Variants in ZC3H12D observed in about 807,000 individuals in gnomAD.
ZC3H12D encodes the protein probable ribonuclease ZC3H12D.
In ZC3H12D, 11 loss-of-function variants were observed where a neutral mutation model predicts 24.2. The observed-to-expected ratio is 0.46, with a 90% confidence interval of 0.29 to 0.75. The LOEUF (loss-of-function observed/expected upper bound fraction) is 0.75, where lower values mean the gene tolerates loss of function less well. ZC3H12D is among the 30% of genes least tolerant of loss of function. The pLI, the probability that ZC3H12D is intolerant of heterozygous loss-of-function variation, is 0.11. For synonymous variants in ZC3H12D, 333 were observed against 341.8 expected, an observed-to-expected ratio of 0.97 and a Z score of 0.28; for missense variants, 740 against 767.7, an observed-to-expected ratio of 0.96 and a Z score of 0.43.
intron 1 of ZC3H12D, chr6:149,483,240 G>A (rs1014213070): frequency 2.6e-5 from 4 of 152,126 alleles, no homozygotes; most frequent in Admixed American, 6.6e-5. Context: ...AGGCAAAGAC[G>A]GTAGTTCATG....
intron 2 of ZC3H12D, among the ~76,000 whole-genome samples, chr6:149,463,634 G>A (rs1188305520): frequency 1.3e-5 from 2 of 152,178 alleles, no homozygotes; most frequent in African/African-American, 4.8e-5. Flanking sequence ...GCTCGAACCT[G>A]GGAGGCGGAG....
intron 1 of ZC3H12D, among the ~76,000 whole-genome samples, chr6:149,479,232 G>A (rs1031731606): frequency 6.6e-5 from 10 of 152,178 alleles, no homozygotes; most frequent in Non-Finnish European, 1.3e-4. Context: ...ATGGTGGCGT[G>A]TGCCTGAAAT....
At chr6:149,472,136 C>G (rs937706714) in intron 2 of ZC3H12D, among the ~76,000 whole-genome samples, 1 of 152,202 alleles carries the variant, frequency 6.6e-6, no homozygotes, top group Non-Finnish European at 1.5e-5. Flanking sequence ...GGACATGAGT[C>G]CTGTTAAAAG....
chr6:149,462,000 G>T, intron 2 of ZC3H12D, 30 bp from the exon 3 acceptor site: 1 of 1,598,782 alleles, frequency 6.3e-7, no homozygotes, highest in Admixed American at 1.7e-5. Flanking sequence ...AAATCATAGA[G>T]ACACAGCAAG....
At position 149,456,019 on chromosome 6, in the gene ZC3H12D, C is replaced by T. The variant is rs778045472; in HGVS notation, c.680+647G>A. 1.7e-4 allele frequency among the ~76,000 whole-genome samples: 25 copies of T among 150,138 alleles called. No homozygotes were observed. The highest frequency in any genetic ancestry group is 2.2e-4 in the African/African-American group (9 of 41,030). The stretch of plus-strand genomic sequence containing the variant: ...CTGTAATCCCAGCACTTTGGGAAGC[C>T]GAGGTGGACAGATCACAAGGTCAGG... On this transcript the variant is annotated intron_variant, in intron 4 of 5. Coordinates refer to ENST00000409806, the MANE Select transcript of ZC3H12D (RefSeq NM_207360.3). The surrounding 1 kb of genome is among the most constrained non-coding windows in gnomAD (Gnocchi z 4.3).
At chr6:149,468,291 G>A (rs1189607528) in intron 2 of ZC3H12D, among the ~76,000 whole-genome samples, 1 of 152,144 alleles carries the variant, frequency 6.6e-6, no homozygotes, top group Admixed American at 6.6e-5. Context: ...AGAGATGGGA[G>A]TTTTGAATAA....
intron 2 of ZC3H12D, among the ~76,000 whole-genome samples, chr6:149,462,397 A>AC (rs35654519): frequency 1.6e-5 from 1 of 62,388 alleles, no homozygotes; most frequent in Non-Finnish European, 3.6e-5. Flanking sequence ...ACAAAACAAA[A>AC]AAAAACCACA....
chr6:149,470,121 G>A (rs921475450), intron 2 of ZC3H12D, among the ~76,000 whole-genome samples: 1 of 152,174 alleles, frequency 6.6e-6, no homozygotes, highest in Non-Finnish European at 1.5e-5. Flanking sequence ...GCACTTTGGA[G>A]GCTGAGGTGG....
chr6:149,464,423 CA>C (rs553201225), intron 2 of ZC3H12D, among the ~76,000 whole-genome samples: 62 of 152,272 alleles, frequency 4.1e-4, no homozygotes, highest in Non-Finnish European at 6.8e-4. Context: ...AACCTGGCCT[CA>C]AATTAGATCA....
In ZC3H12D at chr6:149,450,980, C is replaced by A. The variant is rs751764814; in HGVS notation, c.1287G>T (p.Pro429=). 1 of 1,520,302 alleles carries A rather than the reference C, an allele frequency of 6.6e-7. No individual in the cohort carries two copies. The highest frequency in any genetic ancestry group is 2.1e-5 in the Admixed American group (1 of 47,840). The allele number at this position is 1,520,302 out of a possible 1,614,324, so 94.2% of individuals were successfully genotyped here. A position where few individuals can be genotyped will look rare whatever the true frequency, so the allele number is the denominator to read the frequency against. ...PRDLHGDLLS[P]RRPPDDPWAR... Reference sequence around the variant, plus strand: ...CCCACGGGTCGTCGGGTGGCCTGCGCGGGGAAAGCAAGTCGCCGTGCAGGT... The same window carrying A: ...CCCACGGGTCGTCGGGTGGCCTGCGAGGGGAAAGCAAGTCGCCGTGCAGGT... Residue 429 remains proline, a synonymous_variant, in exon 6 of 6, where the codon CCG becomes CCT. Transcript: ENST00000409806.
rs1562473726 is a variant in ZC3H12D at position 149,461,829 on chromosome 6, AC to A, written c.445+1del. On this transcript the variant is annotated splice_donor_variant, in intron 3 of 5. Transcript: ENST00000409806. LOFTEE classifies it high-confidence loss of function. ...CTTGAGCATACATCTGCTCCAGCAT[AC>A]CTCTGATAGGGGTGTCAGCTCTTGG... 6.4e-7 allele frequency: 1 copy of A among 1,556,518 alleles called. No individual in the cohort carries two copies.
At chr6:149,462,925 T>A (rs1776097770) in intron 2 of ZC3H12D, among the ~76,000 whole-genome samples, 1 of 152,214 alleles carries the variant, frequency 6.6e-6, no homozygotes, top group African/African-American at 2.4e-5. Context: ...GGCCTTGGAC[T>A]GGCTTCCTTG....
intron 3 of ZC3H12D, chr6:149,459,569 G>A: frequency 1.4e-6 from 1 of 716,564 alleles, no homozygotes; most frequent in East Asian, 2.7e-5. Context: ...TCTGGTGGTG[G>A]AGATGGAGTG....
intron 4 of ZC3H12D, among the ~76,000 whole-genome samples, chr6:149,453,657 T>TA (rs1335656945): frequency 6.6e-6 from 1 of 152,168 alleles, no homozygotes; most frequent in African/African-American, 2.4e-5. Flanking sequence ...AGGTGATTTT[T>TA]ATCCAGGAAA....
intron 2 of ZC3H12D, among the ~76,000 whole-genome samples, chr6:149,469,960 G>A (rs1048938500): frequency 9.9e-5 from 15 of 152,176 alleles, no homozygotes; most frequent in Non-Finnish European, 1.0e-4. Flanking sequence ...GGGAACATGG[G>A]GCATTGGAGA....
chr6:149,460,830 C>T (rs1160457184), intron 3 of ZC3H12D, among the ~76,000 whole-genome samples: 1 of 124,958 alleles, frequency 8.0e-6, no homozygotes, highest in Admixed American at 7.9e-5. Flanking sequence ...AACTCCATGT[C>T]AAAAAAAAAA....
Position 149,474,274 on chromosome 6 carries a change from T to A in ZC3H12D, c.270A>T (p.Arg90=). 6.6e-7 allele frequency: 1 copy of A among 1,518,040 alleles called. No homozygotes were observed. Among genetic ancestry groups the A allele is most frequent in the Non-Finnish European group, 8.9e-7 (1 of 1,124,898 alleles). 94.0% of individuals were successfully genotyped at this position (1,518,040 alleles called of 1,614,324 possible). A position where few individuals can be genotyped will look rare whatever the true frequency, so the allele number is the denominator to read the frequency against. ...EDFRTLASSL[R]PIVIDGSNVA... is the part of the protein sequence containing the mutation. Reference sequence around the variant, plus strand: ...CGTTGCTGCCATCAATCACTATGGGTCGCAGAGAACTGGCCAGGGTTCTGA... The same window carrying A: ...CGTTGCTGCCATCAATCACTATGGGACGCAGAGAACTGGCCAGGGTTCTGA... The change falls in exon 2 of 6, where the codon CGA becomes CGT. Residue 90 remains arginine (R), a synonymous_variant. Transcript: ENST00000409806.
At position 149,451,026 on chromosome 6, in the gene ZC3H12D, C is replaced by A; in HGVS notation, c.1241G>T (p.Arg414Leu). 1 of 1,443,232 alleles carries A rather than the reference C, an allele frequency of 6.9e-7. No homozygotes were observed. The highest frequency in any genetic ancestry group is 2.6e-5 in the East Asian group (1 of 38,152). 89.4% of individuals were successfully genotyped at this position (1,443,232 alleles called of 1,614,324 possible). ...PPPPGLQLQP[R>L]GEHRPRDLHG... Reference sequence around the variant, plus strand: ...CAGGTCCCTAGGGCGGTGTTCGCCCCGCGGCTGGAGCTGCAGGCCGGGCGG... The same window carrying A: ...CAGGTCCCTAGGGCGGTGTTCGCCCAGCGGCTGGAGCTGCAGGCCGGGCGG... The change falls in exon 6 of 6, where the codon CGG becomes CTG. Residue 414 changes from arginine to leucine, a missense_variant. Physicochemically the swap from Arg to Leu is moderately radical, Grantham distance 102. Transcript: ENST00000409806.
At chr6:149,453,300 A>T (rs1397624288) in intron 4 of ZC3H12D, among the ~76,000 whole-genome samples, 2 of 28,078 alleles carry the variant, frequency 7.1e-5, no homozygotes, top group Middle Eastern at 0.011. Context: ...ATCCTGGCTA[A>T]AAAAAAAAAA....
Sources: allele counts gnomAD v4.1 joint callset (sites outside exome capture counted in the v4.1 genomes callset), GRCh38; gene constraint gnomAD v4.1.1; non-coding constraint Gnocchi (gnomAD v3.1); transcripts MANE v1.5; gene names NCBI Gene and HGNC (gene_info 2026-07-23, HGNC 2026-07-21).